The following LETMD1 variants were observed in gnomAD, a reference collection of about 807,000 sequenced individuals.
The protein encoded by LETMD1 is LETM1 domain containing 1.
Under a neutral mutation model 43.9 loss-of-function variants are expected in LETMD1, and 30 were observed. The ratio of observed to expected loss-of-function variants is 0.68; its 90% CI spans 0.51 to 0.93. The LOEUF (loss-of-function observed/expected upper bound fraction) is 0.93. LETMD1 is among the 40% of genes least tolerant of loss of function. LETMD1 has a pLI of 0.00. For missense variants in LETMD1, 413 were observed against 447.7 expected (o/e 0.92, Z 0.70); for synonymous variants, 176 against 163.1 (o/e 1.08, Z -0.60).
downstream of LETMD1, chr12:51,064,177 G>A (rs774325667): frequency 3.1e-6 from 5 of 1,614,180 alleles, no homozygotes; most frequent in Non-Finnish European, 4.2e-6. Flanking sequence ...GAGGCAGTTG[G>A]GTGGTCTGAG....
At chr12:51,056,762 TCCTACCTC>T in intron 7 of LETMD1, 1 of 295,766 alleles carries the variant, frequency 3.4e-6, no homozygotes, top group Non-Finnish European at 6.3e-6. Flanking sequence ...CAAGTGATCC[TCCTACCTC>T]AGCCTCCCAA....
chr12:51,060,581 A>T (rs771848592), downstream of LETMD1, among the ~76,000 whole-genome samples: 2 of 152,220 alleles, frequency 1.3e-5, no homozygotes, highest in Non-Finnish European at 2.9e-5. Flanking sequence ...CTTTAAGGTG[A>T]TAACAAGGAA....
chr12:51,056,283 CCA>C (rs1273043789), intron 6 of LETMD1, 38 bp downstream of exon 6: 2 of 1,613,178 alleles, frequency 1.2e-6, no homozygotes, highest in South Asian at 2.2e-5. Flanking sequence ...CATAGCATCA[CCA>C]TGTTTCAGGT....
downstream of LETMD1, chr12:51,063,687 G>A: frequency 7.5e-7 from 1 of 1,326,302 alleles, no homozygotes; most frequent in Non-Finnish European, 1.0e-6. Context: ...TTGAAATGGT[G>A]TTAGATAAAA....
chr12:51,048,747 A>G (rs1945071032), intron 1 of LETMD1: 6 of 592,960 alleles, frequency 1.0e-5, no homozygotes, highest in South Asian at 4.1e-5. Flanking sequence ...TACCGCTGCT[A>G]TCTCGATTCC....
chr12:51,065,449 A>G, the LETMD1 span, among the ~76,000 whole-genome samples: 1 of 152,116 alleles, frequency 6.6e-6, no homozygotes, highest in Non-Finnish European at 1.5e-5. Context: ...ACAAATCACA[A>G]TGTCTTTCTA....
rs1946899402 is a variant in LETMD1, at chr12:51,053,961, G to T, written c.473+101G>T. The stretch of plus-strand genomic sequence containing the variant: ...CACTCATTTCAGAAGATAGGCAGAG[G>T]TTATCAAACTTCTGCTCCAATCTTC... On this transcript the variant is annotated intron_variant, in intron 4 of 8. Coordinates refer to ENST00000262055, the MANE Select transcript of LETMD1 (RefSeq NM_015416.5). 1.3e-5 allele frequency: 10 copies of T among 793,514 alleles called. No individual in the cohort carries two copies. The East Asian group carries it at 2.2e-4, about 18-fold the overall frequency. 49.2% of individuals were successfully genotyped at this position (793,514 alleles called of 1,614,324 possible).
chr12:51,051,789 T>G (rs1262871349), intron 2 of LETMD1, among the ~76,000 whole-genome samples: 1 of 152,158 alleles, frequency 6.6e-6, no homozygotes, highest in Non-Finnish European at 1.5e-5. Flanking sequence ...TAGCAAGACT[T>G]TCTGAAGTTA....
At chr12:51,068,207 G>A in the LETMD1 span, among the ~76,000 whole-genome samples, 1 of 152,202 alleles carries the variant, frequency 6.6e-6, no homozygotes, top group African/African-American at 2.4e-5. Flanking sequence ...GTCCAGGCGG[G>A]AGTGCAGTGG....
intron 7 of LETMD1, chr12:51,057,386 T>A (rs2136715756): frequency 6.5e-6 from 1 of 152,874 alleles, no homozygotes; most frequent in African/African-American, 2.4e-5. Flanking sequence ...CATGAGCCAC[T>A]GCGCCCAGCT....
Position 51,052,142 on chromosome 12 carries a change from A to G in LETMD1, c.325A>G (p.Asn109Asp), listed in dbSNP as rs755598615. The G allele has an allele frequency of 6.2e-7, 1 of 1,614,010 alleles. No homozygotes were observed. The highest frequency in any genetic ancestry group is 8.5e-7 in the Non-Finnish European group (1 of 1,179,946). ...DAKKARRIKT[N>D]MWKHNIKFHQ... The stretch of plus-strand genomic sequence containing the variant: ...CAAAAAGGCTAGAAGAATAAAGACA[A>G]ATATGTGGAAGCACAATATAAAGTT... The change falls in exon 3 of 9, where the codon AAT becomes GAT. Residue 109 changes from asparagine (N) to aspartate (D), a missense_variant. By Grantham distance (23) the Asn-to-Asp change is conservative (BLOSUM62 1). Transcript: ENST00000262055.
intron 4 of LETMD1, 63 bp from the exon 5 acceptor site, chr12:51,055,772 C>G (rs964127179): frequency 8.5e-6 from 10 of 1,170,846 alleles, no homozygotes; most frequent in East Asian, 2.5e-5. Context: ...CAAATGCTTT[C>G]TTTGGCTTCC....
the LETMD1 span, among the ~76,000 whole-genome samples, chr12:51,068,466 C>T: frequency 2.6e-4 from 40 of 152,176 alleles, no homozygotes; most frequent in Non-Finnish European, 4.0e-4. Flanking sequence ...ATTGAATAGC[C>T]GTATGTGACT....
rs1946199747 is a variant in LETMD1 at position 51,051,688 on chromosome 12, CAA to C, written c.275-402_275-401del. ...CACCACTGCACTCCAGCCTGGGCAA[CAA>C]AGTGAGATTCCATCTCAAAAAAAAG... On this transcript the variant is annotated intron_variant, in intron 2 of 8. Coordinates refer to ENST00000262055, the MANE Select transcript of LETMD1 (RefSeq NM_015416.5). Among the ~76,000 whole-genome samples the C allele has an allele frequency of 6.6e-5, 10 of 151,670 alleles. 1 individual carries two copies. Among genetic ancestry groups the C allele is most frequent in the Admixed American group, 5.3e-4 (8 of 15,224 alleles).
chr12:51,056,144 A>T lies in LETMD1; in HGVS notation c.661A>T (p.Ile221Leu), dbSNP rs182465999. 2 of 1,614,098 alleles carry T rather than the reference A, an allele frequency of 1.2e-6. No individual in the cohort carries two copies. Among genetic ancestry groups the T allele is most frequent in the African/African-American group, 1.3e-5 (1 of 75,040 alleles). ...CTACAAATCTCTTACCTCTTCCAAGATACAGCGTGGTACCCACCCAGCAAT... is the reference window on the plus strand; with the variant it reads ...CTACAAATCTCTTACCTCTTCCAAGTTACAGCGTGGTACCCACCCAGCAAT... The part of the protein sequence containing the change: ...RWRLTDLCTK[I>L]QRGTHPAIHD... The change falls in exon 6 of 9, where the codon ATA (isoleucine) becomes TTA (leucine). Residue 221 changes from isoleucine (I) to leucine (L), a missense_variant and splice_region_variant. Physicochemically the swap from Ile to Leu is conservative, Grantham distance 5. Coordinates refer to ENST00000262055, the MANE Select transcript of LETMD1 (RefSeq NM_015416.5).
chr12:51,065,384 C>T (rs921459079), downstream of LETMD1, among the ~76,000 whole-genome samples: 10 of 152,124 alleles, frequency 6.6e-5, no homozygotes, highest in African/African-American at 2.4e-4. Flanking sequence ...AGGAAAAACA[C>T]ATAAACCAAA....
At chr12:51,048,599 C>A in intron 1 of LETMD1, 121 bp downstream of exon 1, 2 of 1,323,864 alleles carry the variant, frequency 1.5e-6, no homozygotes, top group East Asian at 2.4e-5. Flanking sequence ...AATTTTTATT[C>A]TTCTGTTCAG....
downstream of LETMD1, chr12:51,064,557 A>G: frequency 6.2e-7 from 1 of 1,613,258 alleles, no homozygotes; most frequent in Non-Finnish European, 8.5e-7. Context: ...CTCCAGCTTC[A>G]TAATGGTGTG....
downstream of LETMD1, chr12:51,060,498 G>T (rs1174943901): frequency 6.6e-6 from 1 of 152,172 alleles, no homozygotes; most frequent in Non-Finnish European, 1.5e-5. Context: ...GGATTTAATT[G>T]GTTGGCATAG....
Sources: allele counts gnomAD v4.1 joint callset (sites outside exome capture counted in the v4.1 genomes callset), GRCh38; gene constraint gnomAD v4.1.1; transcripts MANE v1.5; gene names NCBI Gene and HGNC (gene_info 2026-07-23, HGNC 2026-07-21).